COL9A1: variants seen among roughly 807,000 people sequenced by gnomAD.
The protein encoded by COL9A1 is collagen alpha-1(IX) chain.
COL9A1 carries 104 observed loss-of-function variants against 142.6 expected under a neutral mutation model. That is an observed-to-expected ratio of 0.73 (90% CI 0.62 to 0.86). The LOEUF is 0.86. COL9A1 is among the 40% of genes least tolerant of loss of function. The pLI, the probability that COL9A1 is intolerant of heterozygous loss-of-function variation, is 0.00. For synonymous variants in COL9A1, 466 were observed against 396.0 expected (o/e 1.18, Z -2.10); for missense variants, 1,210 against 1,176.6 (o/e 1.03, Z -0.42).
intron 36 of COL9A1, among the ~76,000 whole-genome samples, 181 bp downstream of exon 36, chr6:70,232,402 G>C (rs1583217199): frequency 6.6e-6 from 1 of 152,270 alleles, no homozygotes; most frequent in Non-Finnish European, 1.5e-5. Context: ...GGTAGAGCAG[G>C]GTCAAGGGAA....
chr6:70,254,239 G>T (rs929495347), intron 25 of COL9A1, among the ~76,000 whole-genome samples: 1 of 152,070 alleles, frequency 6.6e-6, no homozygotes, highest in Non-Finnish European at 1.5e-5. Context: ...GTAAACTAAA[G>T]AGAGAAAAGG....
At chr6:70,280,725 C>T in intron 10 of COL9A1, 87 bp downstream of exon 10, 1 of 1,448,516 alleles carries the variant, frequency 6.9e-7, no homozygotes, top group South Asian at 1.2e-5. Flanking sequence ...CTCTTTCTCT[C>T]TCTCCCTCCC....
Position 70,281,012 on chromosome 6 carries a change from C to T in COL9A1, c.904G>A (p.Gly302Ser), listed in dbSNP as rs151129325. ...TGCTCCAATCAACTTACCGGGGGGCCCGGGGGGCCCTTAGGACCTCGGTCA... is the reference window on the plus strand; with the variant it reads ...TGCTCCAATCAACTTACCGGGGGGCTCGGGGGGCCCTTAGGACCTCGGTCA... ...DGDRGPKGPP[G>S]PPGPAGEPGK... The change falls in exon 9 of 38, where the codon GGC becomes AGC. Residue 302 changes from glycine to serine, a missense_variant. Transcript: ENST00000357250. 3.1e-3 allele frequency: 4,932 copies of T among 1,613,478 alleles called. 7 individuals are homozygous for T. Among genetic ancestry groups the T allele is most frequent in the Non-Finnish European group, 4.0e-3 (4,666 of 1,179,854 alleles).
At chr6:70,252,851 C>T (rs1197878105) in intron 26 of COL9A1, among the ~76,000 whole-genome samples, 1 of 152,198 alleles carries the variant, frequency 6.6e-6, no homozygotes, top group Non-Finnish European at 1.5e-5. Context: ...TGGGGAGCTG[C>T]AGCCTGGTAC....
intron 37 of COL9A1, among the ~76,000 whole-genome samples, chr6:70,219,891 A>C (rs1768761614): frequency 6.6e-6 from 1 of 152,246 alleles, no homozygotes. Flanking sequence ...CTAATACACT[A>C]ACAATATTAA....
At chr6:70,287,555 T>A (rs1773504469) in intron 5 of COL9A1, among the ~76,000 whole-genome samples, 1 of 152,188 alleles carries the variant, frequency 6.6e-6, no homozygotes, top group South Asian at 2.1e-4. Context: ...ACATTTTACA[T>A]ACCACTTCAG....
At position 70,244,694 on chromosome 6, in the gene COL9A1, A is replaced by G. The variant is rs563224918; in HGVS notation, c.1873-1979T>C. On this transcript the variant is annotated intron_variant, in intron 28 of 37. Coordinates refer to ENST00000357250, the MANE Select transcript of COL9A1 (RefSeq NM_001851.6). Reference sequence around the variant, plus strand: ...ATTATTATACATTTTTTTCTCTTCCATAAACCAAAGGGCTAAATTAAAATA... The same window carrying G: ...ATTATTATACATTTTTTTCTCTTCCGTAAACCAAAGGGCTAAATTAAAATA... 2.3e-4 allele frequency among the ~76,000 whole-genome samples: 35 copies of G among 152,298 alleles called. 1 individual carries two copies. Among genetic ancestry groups the G allele is most frequent in the South Asian group, 8.3e-4 (4 of 4,830 alleles).
At position 70,281,079 on chromosome 6, in the gene COL9A1, G is replaced by A. The variant is rs753932727; in HGVS notation, c.877-40C>T. The stretch of plus-strand genomic sequence containing the variant: ...GAAAAAGAGAGAGCAGTCTATGAGC[G>A]GGATAGGCTGAGGACCCCACTGGGA... On this transcript the variant is annotated intron_variant, in intron 8 of 37. Coordinates refer to ENST00000357250, the MANE Select transcript of COL9A1 (RefSeq NM_001851.6). 1.3e-5 allele frequency: 20 copies of A among 1,563,784 alleles called. No homozygotes were observed. In the East Asian group the frequency reaches 3.8e-4, roughly 30 times the overall value.
Position 70,225,178 on chromosome 6 carries a change from A to G in COL9A1, c.2581+754T>C, listed in dbSNP as rs543290629. ...CCCACAATAAGAGAGCGTTTGCTGG[A>G]AAGTTGCGCATCATTCATGCCCTTA... On this transcript the variant is annotated intron_variant, in intron 37 of 37. Coordinates refer to ENST00000357250, the MANE Select transcript of COL9A1 (RefSeq NM_001851.6). Among the ~76,000 whole-genome samples, 3 of 152,312 alleles carry G rather than the reference A, an allele frequency of 2.0e-5. No individual in the cohort carries two copies. In the South Asian group the frequency reaches 6.2e-4, roughly 32 times the overall value.
rs1313834453 is a variant in COL9A1, at chr6:70,254,953, C to T, written c.1665+10G>A. On this transcript the variant is annotated intron_variant, in intron 24 of 37. Coordinates refer to ENST00000357250, the MANE Select transcript of COL9A1 (RefSeq NM_001851.6). ...CCCCACTCACTCTTGGAGTAAATTA[C>T]ACAGCCTACCTTTGTTCCAGGCATT... 2 of 1,613,996 alleles carry T rather than the reference C, an allele frequency of 1.2e-6. No homozygotes were observed. The highest frequency in any genetic ancestry group is 8.5e-7 in the Non-Finnish European group (1 of 1,179,866).
At chr6:70,263,377 C>A in intron 18 of COL9A1, 80 bp from the exon 19 acceptor site, 1 of 1,265,428 alleles carries the variant, frequency 7.9e-7, no homozygotes, top group Non-Finnish European at 1.1e-6. Context: ...TGGTCTAACT[C>A]ATTATGTTTT....
intron 19 of COL9A1, among the ~76,000 whole-genome samples, chr6:70,261,678 G>T (rs1212453878): frequency 6.6e-6 from 1 of 152,154 alleles, no homozygotes; most frequent in South Asian, 2.1e-4. Context: ...TCCAGTTTAG[G>T]ATATCCATTT....
chr6:70,256,660 C>T, intron 21 of COL9A1, 108 bp downstream of exon 21: 5 of 799,752 alleles, frequency 6.3e-6, no homozygotes, highest in Non-Finnish European at 8.1e-6. Context: ...ATAAATTGTC[C>T]ACTTTTCCAC....
chr6:70,256,859 A>C, intron 20 of COL9A1, 38 bp from the exon 21 acceptor site: 1 of 1,596,246 alleles, frequency 6.3e-7, no homozygotes, highest in Non-Finnish European at 8.6e-7. Flanking sequence ...AACTGAGATC[A>C]GTCATGTATG....
intron 36 of COL9A1, among the ~76,000 whole-genome samples, chr6:70,229,068 A>G (rs573933557): frequency 6.6e-6 from 1 of 152,156 alleles, no homozygotes; most frequent in Admixed American, 6.5e-5. Flanking sequence ...ACATTCTAGC[A>G]TGAAGCCACA....
chr6:70,267,613 C>T (rs879627230), intron 17 of COL9A1, among the ~76,000 whole-genome samples: 12 of 152,060 alleles, frequency 7.9e-5, no homozygotes, highest in African/African-American at 2.7e-4. Context: ...TGAGCCACCG[C>T]GCCCGGCCTA....
Position 70,263,194 on chromosome 6 carries a change from A to G in COL9A1, c.1395+50T>C, listed in dbSNP as rs142469605. 7.6e-5 allele frequency: 105 copies of G among 1,386,598 alleles called. No homozygotes were observed. In the East Asian group the frequency reaches 2.5e-3, roughly 33 times the overall value. The allele number at this position is 1,386,598 out of a possible 1,614,324, so 85.9% of individuals were successfully genotyped here. Reference sequence around the variant, plus strand: ...GAAAATATTCCAACAGTCATGAAAAAAAAGAATATTTACATATCCTAGTTA... The same window carrying G: ...GAAAATATTCCAACAGTCATGAAAAGAAAGAATATTTACATATCCTAGTTA... On this transcript the variant is annotated intron_variant, in intron 19 of 37. Transcript: ENST00000357250.
chr6:70,297,789 A>G (rs942166871), intron 4 of COL9A1, among the ~76,000 whole-genome samples: 2 of 152,204 alleles, frequency 1.3e-5, no homozygotes, highest in Admixed American at 6.5e-5. Context: ...GAAAATAAAC[A>G]TAACACGTTT....
At chr6:70,227,073 G>A (rs1769275354) in intron 36 of COL9A1, among the ~76,000 whole-genome samples, 2 of 152,052 alleles carry the variant, frequency 1.3e-5, no homozygotes, top group Non-Finnish European at 2.9e-5. Flanking sequence ...GTGGGAAAAA[G>A]TTGAACAATT....
Sources: gnomAD v4.1 joint callset for allele counts (sites outside exome capture counted in the v4.1 genomes callset) on GRCh38, gnomAD v4.1.1 for gene constraint, MANE v1.5 for transcripts, NCBI Gene and HGNC (gene_info 2026-07-23, HGNC 2026-07-21) for gene names.